The following CRADD variants were observed in gnomAD, a reference collection of about 807,000 sequenced individuals.
CRADD encodes the protein death domain-containing protein CRADD.
In CRADD, 9 loss-of-function variants were observed where a neutral mutation model predicts 15.5. That is an observed-to-expected ratio of 0.58 (90% CI 0.35 to 1.01). The LOEUF (loss-of-function observed/expected upper bound fraction) is 1.01, where lower values mean the gene tolerates loss of function less well. Among genes scored for constraint, CRADD ranks in the 50% least tolerant of loss-of-function variants. The probability of loss-of-function intolerance (pLI) is 0.02; values close to 1 mark genes in which losing one functional copy is unlikely to be tolerated. For synonymous variants in CRADD, 118 were observed against 107.6 expected, an observed-to-expected ratio of 1.10 and a Z score of -0.60; for missense variants, 227 against 250.3, an observed-to-expected ratio of 0.91 and a Z score of 0.63.
chr12:93,751,041 A>G (rs1035923648), intron 2 of CRADD, among the ~76,000 whole-genome samples: 1 of 152,214 alleles, frequency 6.6e-6, no homozygotes, highest in East Asian at 1.9e-4. Flanking sequence ...TGTGTCTACT[A>G]TACTCTTTCT....
chr12:93,712,310 A>G (rs1212448135), intron 2 of CRADD, among the ~76,000 whole-genome samples: 4 of 152,184 alleles, frequency 2.6e-5, no homozygotes, highest in African/African-American at 9.6e-5. Flanking sequence ...TGTCCTGCTT[A>G]GTTATATGCT....
Position 93,744,286 on chromosome 12 carries a change from T to C in CRADD, c.298+65214T>C, listed in dbSNP as rs139604337. On this transcript the variant is annotated intron_variant, in intron 2 of 2. Transcript: ENST00000332896. ...ATTTAGTTCCATGTGGTAGTTGTAC[T>C]GGGGGCCCAGTTGCCTTTCTTGGAG... Among the ~76,000 whole-genome samples, 329 of 152,328 alleles carry C rather than the reference T, an allele frequency of 2.2e-3. 3 individuals are homozygous for C. The highest frequency in any genetic ancestry group is 7.2e-3 in the African/African-American group (300 of 41,572).
In CRADD at chr12:93,787,314, T is replaced by G. The variant is rs927270999; in HGVS notation, c.299-62656T>G. ...AAAGTAGTATGACAGGGTTTTTTTT[T>G]TTTTTTTTTTTTTTTTAATATCACA... On this transcript the variant is annotated intron_variant, in intron 2 of 2. Coordinates refer to ENST00000332896, the MANE Select transcript of CRADD (RefSeq NM_003805.5). Among the ~76,000 whole-genome samples, 513 of 148,382 alleles carry G rather than the reference T, an allele frequency of 3.5e-3. 1 individual carries two copies. The highest frequency in any genetic ancestry group is 0.016 in the South Asian group (73 of 4,650).
intron 2 of CRADD, among the ~76,000 whole-genome samples, chr12:93,873,542 G>C (rs1488595496): frequency 6.6e-6 from 1 of 151,960 alleles, no homozygotes; most frequent in African/African-American, 2.4e-5. Context: ...TACTATCTGT[G>C]GGTGTTTCAT....
chr12:93,747,466 CT>C (rs1280588379), intron 2 of CRADD, among the ~76,000 whole-genome samples: 47 of 145,190 alleles, frequency 3.2e-4, no homozygotes, highest in Middle Eastern at 3.6e-3. Context: ...TTTTCTTCTT[CT>C]TTTTTTTTTT....
intron 2 of CRADD, among the ~76,000 whole-genome samples, chr12:93,739,270 A>C (rs1956632782): frequency 6.6e-6 from 1 of 152,044 alleles, no homozygotes; most frequent in Non-Finnish European, 1.5e-5. Flanking sequence ...TTTTCCTTTT[A>C]AAAATCTGCA....
intron 2 of CRADD, among the ~76,000 whole-genome samples, chr12:93,828,407 T>C (rs1277826642): frequency 6.6e-6 from 1 of 152,262 alleles, no homozygotes; most frequent in Non-Finnish European, 1.5e-5. Flanking sequence ...AAATAATTCA[T>C]CTATGTTTTC....
chr12:93,847,721 G>T (rs112305620), intron 2 of CRADD, among the ~76,000 whole-genome samples: 232 of 152,188 alleles, frequency 1.5e-3, no homozygotes, highest in Non-Finnish European at 2.6e-3. Context: ...TAACTATTAG[G>T]CATCTGGCAA....
intron 2 of CRADD, among the ~76,000 whole-genome samples, chr12:93,818,341 G>A (rs1369355121): frequency 6.6e-6 from 1 of 152,260 alleles, no homozygotes; most frequent in East Asian, 1.9e-4. Flanking sequence ...TAGTGAAAAG[G>A]CAGCCTCTCC....
intron 2 of CRADD, among the ~76,000 whole-genome samples, chr12:93,874,365 G>T (rs1454092792): frequency 6.6e-6 from 1 of 151,290 alleles, no homozygotes; most frequent in Non-Finnish European, 1.5e-5. Flanking sequence ...TGTCAATTTT[G>T]TTTAACTTTT....
intron 2 of CRADD, among the ~76,000 whole-genome samples, chr12:93,874,883 C>T (rs950596996): frequency 5.3e-5 from 8 of 151,834 alleles, no homozygotes; most frequent in East Asian, 1.9e-4. Context: ...GGAAAAAAAA[C>T]GTGTATTCTG....
At chr12:93,854,900 A>G (rs1958259565), downstream of CRADD, among the ~76,000 whole-genome samples, 7 of 152,244 alleles carry the variant, frequency 4.6e-5, no homozygotes, top group South Asian at 1.4e-3. Context: ...AAACTTTTAA[A>G]AAATATTTTA....
rs936676705 is a variant in CRADD at position 93,879,899 on chromosome 12, C to T, written c.299-14151C>T. Among the ~76,000 whole-genome samples, 5 of 152,270 alleles carry T rather than the reference C, an allele frequency of 3.3e-5. No individual in the cohort carries two copies. In the South Asian group the frequency reaches 8.3e-4, roughly 25 times the overall value. On this transcript the variant is annotated intron_variant, in intron 2 of 2. Transcript: ENST00000548483. The stretch of plus-strand genomic sequence containing the variant: ...ATACACTTCTACCCTGTCCTGTTGA[C>T]CTTGGGTTGATTTTTCTCTTGAGAA...
At chr12:93,830,232 T>C (rs1271027381) in intron 2 of CRADD, among the ~76,000 whole-genome samples, 9 of 152,148 alleles carry the variant, frequency 5.9e-5, no homozygotes, top group African/African-American at 2.2e-4. Context: ...GATGGCTGAT[T>C]TACGCTTGGA....
chr12:93,817,159 C>T (rs764700113), intron 2 of CRADD, among the ~76,000 whole-genome samples: 4 of 152,200 alleles, frequency 2.6e-5, no homozygotes, highest in African/African-American at 4.8e-5. Flanking sequence ...CTCTCCTAGT[C>T]GCTGTCACTG....
In CRADD at chr12:93,824,520, C is replaced by A. The variant is rs544862634; in HGVS notation, c.299-25450C>A. Among the ~76,000 whole-genome samples the A allele has an allele frequency of 1.6e-4, 25 of 151,910 alleles. No homozygotes were observed. Among genetic ancestry groups the A allele is most frequent in the African/African-American group, 6.0e-4 (25 of 41,416 alleles). On this transcript the variant is annotated intron_variant, in intron 2 of 2. Transcript: ENST00000332896. The surrounding 1 kb of genome is among the most constrained non-coding windows in gnomAD (Gnocchi z 4.3). ...TATTTCTTTCCTTTTAAAAGAAGTACCTTGCTGCTGGAAAAGAAGTCAAAA... is the reference window on the plus strand; with the variant it reads ...TATTTCTTTCCTTTTAAAAGAAGTAACTTGCTGCTGGAAAAGAAGTCAAAA...
At chr12:93,796,329 G>A (rs1187689079) in intron 2 of CRADD, among the ~76,000 whole-genome samples, 6 of 152,040 alleles carry the variant, frequency 3.9e-5, no homozygotes, top group African/African-American at 1.4e-4. Flanking sequence ...TCTGGGCTGG[G>A]CACGATGGCT....
chr12:93,859,832 T>C (rs1168767161), intron 2 of CRADD, among the ~76,000 whole-genome samples: 1 of 152,020 alleles, frequency 6.6e-6, no homozygotes, highest in African/African-American at 2.4e-5. Context: ...TCTAGTGATC[T>C]ACCTCAGCCT....
intron 2 of CRADD, among the ~76,000 whole-genome samples, chr12:93,835,202 C>T (rs1219903147): frequency 1.3e-5 from 2 of 152,052 alleles, no homozygotes; most frequent in Non-Finnish European, 2.9e-5. Context: ...GATTACCTTA[C>T]CTTTATACTT....
Sources: allele counts gnomAD v4.1 joint callset (sites outside exome capture counted in the v4.1 genomes callset), GRCh38; gene constraint gnomAD v4.1.1; non-coding constraint Gnocchi (gnomAD v3.1); transcripts MANE v1.5; gene names NCBI Gene and HGNC (gene_info 2026-07-23, HGNC 2026-07-21).